Variants in SPECC1L observed in about 807,000 individuals in gnomAD.
The protein encoded by SPECC1L is cytospin-A.
In SPECC1L, 40 loss-of-function variants were observed where a neutral mutation model predicts 116.8. The ratio of observed to expected loss-of-function variants is 0.34; its 90% CI spans 0.27 to 0.45. The LOEUF is 0.45. Among genes scored for constraint, SPECC1L ranks in the 20% least tolerant of loss-of-function variants. The pLI is 1.00. For synonymous variants in SPECC1L, 504 were observed against 500.6 expected, an observed-to-expected ratio of 1.01 and a Z score of -0.09; for missense variants, 1,110 against 1,373.6, an observed-to-expected ratio of 0.81 and a Z score of 3.03.
chr22:24,316,505 G>A (rs1011619434), intron 4 of SPECC1L, among the ~76,000 whole-genome samples: 23 of 151,128 alleles, frequency 1.5e-4, no homozygotes, highest in Middle Eastern at 3.4e-3. Flanking sequence ...GCCTTCAAGC[G>A]TCTGTTTAAC....
intron 10 of SPECC1L, among the ~76,000 whole-genome samples, chr22:24,345,949 T>C (rs1024412351): frequency 6.6e-6 from 1 of 151,878 alleles, no homozygotes; most frequent in African/African-American, 2.4e-5. Flanking sequence ...GAGCATCATG[T>C]AGAGGTGGCA....
chr22:24,389,343 G>C (rs1345550961), intron 14 of SPECC1L, among the ~76,000 whole-genome samples: 3 of 151,878 alleles, frequency 2.0e-5, no homozygotes, highest in African/African-American at 7.3e-5. Flanking sequence ...TCTCAAACTT[G>C]ACCTCAGGTG....
intron 10 of SPECC1L, among the ~76,000 whole-genome samples, chr22:24,345,577 A>G (rs1020502952): frequency 9.9e-5 from 15 of 152,200 alleles, no homozygotes; most frequent in African/African-American, 3.1e-4. Context: ...TAAGAAGACA[A>G]ACAACCCAAT....
intron 14 of SPECC1L, among the ~76,000 whole-genome samples, chr22:24,390,861 TTTTTTC>T (rs2042250981): frequency 9.1e-6 from 1 of 110,232 alleles, no homozygotes; most frequent in African/African-American, 3.6e-5. Flanking sequence ...CCTTTTTTTT[TTTTTTC>T]TTTTCTTTTT....
chr22:24,347,124 C>G lies in SPECC1L; in HGVS notation c.2691C>G (p.Pro897=), dbSNP rs1278203122. The G allele has an allele frequency of 6.2e-7, 1 of 1,614,000 alleles. No individual in the cohort carries two copies. Among genetic ancestry groups the G allele is most frequent in the Admixed American group, 1.7e-5 (1 of 60,026 alleles). Residue 897 remains proline, a synonymous_variant, in exon 11 of 17, where the codon CCC becomes CCG. Coordinates refer to ENST00000314328, the MANE Select transcript of SPECC1L (RefSeq NM_015330.6). ...GTGGACCAATCTCAACATCCAAACC[C>G]CTGACAGCCCTGTCAGATAAGAGAC... ...SISGPISTSK[P]LTALSDKRPN...
intron 5 of SPECC1L, chr22:24,323,135 G>C (rs1601553835): frequency 1.7e-5 from 17 of 978,532 alleles, no homozygotes; most frequent in Non-Finnish European, 1.9e-5. Flanking sequence ...TTTTGTTTCT[G>C]TTTTCCTGCC....
In SPECC1L at chr22:24,322,774, C is replaced by T. The variant is rs201340202; in HGVS notation, c.1794C>T (p.Asn598=). ...QKVAELYSIH[N]SGDKSDIQDL... Reference sequence around the variant, plus strand: ...TGGCAGAGCTGTATTCTATCCATAACTCTGGAGACAAATCTGATATTCAGG... The same window carrying T: ...TGGCAGAGCTGTATTCTATCCATAATTCTGGAGACAAATCTGATATTCAGG... Residue 598 remains asparagine (N), a synonymous_variant, in exon 5 of 17, where the codon AAC becomes AAT. Transcript: ENST00000314328. 2.5e-6 allele frequency: 4 copies of T among 1,584,834 alleles called. No homozygotes were observed. The highest frequency in any genetic ancestry group is 3.4e-6 in the Non-Finnish European group (4 of 1,167,536).
chr22:24,358,964 C>T lies in SPECC1L; in HGVS notation c.2744-4297C>T, dbSNP rs1036062152. Among the ~76,000 whole-genome samples, 3 of 152,202 alleles carry T rather than the reference C, an allele frequency of 2.0e-5. No homozygotes were observed. In the East Asian group the frequency reaches 5.8e-4, roughly 29 times the overall value. ...ATCCACTTATCTGACCCCTGGATCT[C>T]CTCCTCTTGGACTTTGTCAGATGCT... On this transcript the variant is annotated intron_variant, in intron 11 of 16. Coordinates refer to ENST00000314328, the MANE Select transcript of SPECC1L (RefSeq NM_015330.6).
At chr22:24,380,565 T>C (rs1386619380) in intron 14 of SPECC1L, among the ~76,000 whole-genome samples, 3 of 152,242 alleles carry the variant, frequency 2.0e-5, no homozygotes, top group Admixed American at 6.5e-5. Flanking sequence ...ATTACTGTGC[T>C]GATCACTGTA....
At chr22:24,327,648 AT>A (rs2040857126) in intron 6 of SPECC1L, among the ~76,000 whole-genome samples, 1 of 152,132 alleles carries the variant, frequency 6.6e-6, no homozygotes, top group Non-Finnish European at 1.5e-5. Context: ...TAGGATACTT[AT>A]TAAAAAAAAA....
At chr22:24,317,463 G>C (rs1036522026) in intron 4 of SPECC1L, among the ~76,000 whole-genome samples, 1 of 129,010 alleles carries the variant, frequency 7.8e-6, no homozygotes, top group Non-Finnish European at 1.8e-5. Flanking sequence ...TCCCGGACGG[G>C]GCGGCTGGCT....
At chr22:24,396,741 G>C (rs1187255084) in intron 14 of SPECC1L, among the ~76,000 whole-genome samples, 1 of 152,106 alleles carries the variant, frequency 6.6e-6, no homozygotes, top group African/African-American at 2.4e-5. Context: ...TAGAAGTTGC[G>C]TTTCACGTGG....
intron 8 of SPECC1L, among the ~76,000 whole-genome samples, chr22:24,333,250 A>G (rs2040975410): frequency 6.6e-6 from 1 of 152,178 alleles, no homozygotes; most frequent in African/African-American, 2.4e-5. Context: ...AGAAAGTTGT[A>G]ATCATGACAG....
chr22:24,301,300 A>G (rs1192880120), intron 2 of SPECC1L, among the ~76,000 whole-genome samples: 1 of 152,178 alleles, frequency 6.6e-6, no homozygotes, highest in Non-Finnish European at 1.5e-5. Flanking sequence ...AAATTGGGCA[A>G]AGGATATGAA....
chr22:24,346,437 A>G (rs1224481986), intron 10 of SPECC1L, among the ~76,000 whole-genome samples: 4 of 152,250 alleles, frequency 2.6e-5, no homozygotes, highest in African/African-American at 9.6e-5. Flanking sequence ...AGCGGGTGGC[A>G]GAATTGAGAT....
chr22:24,324,103 G>A, intron 5 of SPECC1L, 117 bp from the exon 6 acceptor site: 1 of 820,484 alleles, frequency 1.2e-6, no homozygotes, highest in Non-Finnish European at 2.1e-6. Flanking sequence ...GGTTGTTTTA[G>A]TTTATCCATA....
chr22:24,357,822 C>T (rs1262801386), intron 11 of SPECC1L, among the ~76,000 whole-genome samples: 1 of 152,194 alleles, frequency 6.6e-6, no homozygotes, highest in Non-Finnish European at 1.5e-5. Flanking sequence ...TTTAGGCTGT[C>T]CTTTGCATTT....
intron 4 of SPECC1L, among the ~76,000 whole-genome samples, chr22:24,316,867 G>A (rs1279561365): frequency 1.5e-5 from 2 of 132,478 alleles, no homozygotes; most frequent in Non-Finnish European, 3.3e-5. Flanking sequence ...GGGCAGAGGC[G>A]CCCCTCACCT....
intron 1 of SPECC1L, among the ~76,000 whole-genome samples, chr22:24,276,175 G>T (rs1407420224): frequency 6.6e-6 from 1 of 152,042 alleles, no homozygotes; most frequent in Non-Finnish European, 1.5e-5. Context: ...CCGAGAGTTC[G>T]AGACCAGCCT....
Sources: gnomAD v4.1 joint callset for allele counts (sites outside exome capture counted in the v4.1 genomes callset) on GRCh38, gnomAD v4.1.1 for gene constraint, MANE v1.5 for transcripts, NCBI Gene and HGNC (gene_info 2026-07-23, HGNC 2026-07-21) for gene names.